The following P3H2 variants were observed in gnomAD, a reference collection of about 807,000 sequenced individuals.
The protein encoded by P3H2 is leprecan-like 1.
A neutral mutation model predicts 87.0 loss-of-function variants in P3H2; 80 were observed. That is an observed-to-expected ratio of 0.92 (90% confidence interval 0.77 to 1.11). The LOEUF (loss-of-function observed/expected upper bound fraction) is 1.11. Ranked by LOEUF, P3H2 falls within the 50% of genes least tolerant of loss-of-function variation. P3H2 has a pLI of 0.00. For missense variants in P3H2, 1,001 were observed against 923.9 expected (o/e 1.08, Z -1.08); for synonymous variants, 367 against 359.3 (o/e 1.02, Z -0.24).
At chr3:190,053,751 C>T (rs992682987) in intron 1 of P3H2, among the ~76,000 whole-genome samples, 2 of 152,084 alleles carry the variant, frequency 1.3e-5, no homozygotes, top group African/African-American at 4.8e-5. Flanking sequence ...AGCCACTGGG[C>T]CCAGCCAAAA....
intron 14 of P3H2, among the ~76,000 whole-genome samples, chr3:189,960,691 A>C (rs1394722740): frequency 6.6e-6 from 1 of 152,218 alleles, no homozygotes; most frequent in Non-Finnish European, 1.5e-5. Flanking sequence ...GCTCCTTGAA[A>C]ATAGGAATTA....
intron 1 of P3H2, among the ~76,000 whole-genome samples, chr3:190,080,310 T>C (rs147559549): frequency 1.3e-5 from 2 of 152,322 alleles, no homozygotes; most frequent in East Asian, 3.9e-4. Flanking sequence ...TGAAGGACCT[T>C]GAGTGCCATA....
chr3:190,119,998 A>T (rs1712472385), intron 1 of P3H2, among the ~76,000 whole-genome samples: 2 of 152,234 alleles, frequency 1.3e-5, no homozygotes, highest in Admixed American at 1.3e-4. Flanking sequence ...TACTTTAAAC[A>T]TCACCTTATC....
intron 1 of P3H2, among the ~76,000 whole-genome samples, chr3:190,087,684 A>G (rs1043651326): frequency 6.6e-6 from 1 of 152,214 alleles, no homozygotes; most frequent in Non-Finnish European, 1.5e-5. Flanking sequence ...AGATCTATAA[A>G]ATTCCATAAT....
In P3H2 at chr3:190,120,469, C is replaced by G. The variant is rs1712515110; in HGVS notation, c.263G>C (p.Cys88Ser). 7.0e-7 allele frequency: 1 copy of G among 1,422,330 alleles called. No individual in the cohort carries two copies. The highest frequency in any genetic ancestry group is 3.0e-5 in the Admixed American group (1 of 33,382). The allele number at this position is 1,422,330 out of a possible 1,614,324, so 88.1% of individuals were successfully genotyped here. A position where few individuals can be genotyped will look rare whatever the true frequency, so the allele number is the denominator to read the frequency against. The change falls in exon 1 of 15, where the codon TGC becomes TCC. Residue 88 changes from cysteine to serine, a missense_variant. Physicochemically the swap from Cys to Ser is moderately radical, Grantham distance 112. Transcript: ENST00000319332. Reference sequence around the variant, plus strand: ...GGGCGGGAGCGGGTGGCGCGCCGCGCAGTGGCGGGCACAGCGCGTGCGGAT... The same window carrying G: ...GGGCGGGAGCGGGTGGCGCGCCGCGGAGTGGCGGGCACAGCGCGTGCGGAT... ...REIRTRCARH[C>S]AARHPLPPPP... is the part of the protein sequence containing the mutation.
At chr3:190,096,363 G>A (rs886923694) in intron 1 of P3H2, among the ~76,000 whole-genome samples, 2 of 152,062 alleles carry the variant, frequency 1.3e-5, no homozygotes, top group Non-Finnish European at 2.9e-5. Flanking sequence ...AAGATCTAGT[G>A]GTTTAAAAGT....
chr3:190,039,560 GCCCATA>G (rs1283716392), intron 1 of P3H2, among the ~76,000 whole-genome samples: 19 of 152,160 alleles, frequency 1.2e-4, no homozygotes, highest in African/African-American at 4.3e-4. Flanking sequence ...CATGTGTTAA[GCCCATA>G]GCATGGAGTA....
intron 8 of P3H2, among the ~76,000 whole-genome samples, chr3:189,982,034 G>C (rs1320339561): frequency 6.6e-6 from 1 of 152,200 alleles, no homozygotes; most frequent in East Asian, 1.9e-4. Flanking sequence ...ATCTCCTGGG[G>C]AAAGAAGTAC....
At chr3:190,003,197 C>T (rs1724269575) in intron 1 of P3H2, among the ~76,000 whole-genome samples, 2 of 152,134 alleles carry the variant, frequency 1.3e-5, no homozygotes, top group African/African-American at 4.8e-5. Context: ...TGCTCTTTCC[C>T]TCAATTACTT....
At position 189,989,040 on chromosome 3, in the gene P3H2, T is replaced by C. The variant is rs748561222; in HGVS notation, c.824-2A>G. ...AAACAAGCACCTGCATGTAGTGATC[T>C]GGAAGACAAGAGCCAATACGTGTGT... On this transcript the variant is annotated splice_acceptor_variant, in intron 3 of 14. Coordinates refer to ENST00000319332, the MANE Select transcript of P3H2 (RefSeq NM_018192.4). LOFTEE classifies it high-confidence loss of function. 1.9e-5 allele frequency: 30 copies of C among 1,613,998 alleles called. No homozygotes were observed. The highest frequency in any genetic ancestry group is 2.4e-5 in the Non-Finnish European group (28 of 1,180,014).
At chr3:189,995,552 C>G in intron 1 of P3H2, 110 bp from the exon 2 acceptor site, 1 of 831,608 alleles carries the variant, frequency 1.2e-6, no homozygotes, top group Non-Finnish European at 1.7e-6. Flanking sequence ...AACTAGGAGC[C>G]TTGGTTTTTT....
intron 1 of P3H2, among the ~76,000 whole-genome samples, chr3:190,018,165 G>A (rs572172547): frequency 6.6e-5 from 10 of 152,192 alleles, no homozygotes; most frequent in Non-Finnish European, 1.2e-4. Flanking sequence ...TTTTAACATC[G>A]ATTTTAACTT....
chr3:190,106,904 T>C (rs1711859001), intron 1 of P3H2, among the ~76,000 whole-genome samples: 1 of 152,190 alleles, frequency 6.6e-6, no homozygotes, highest in Non-Finnish European at 1.5e-5. Flanking sequence ...TGAGAAAATT[T>C]ACATAAAGCT....
At chr3:190,033,530 AT>A (rs140334805) in intron 1 of P3H2, among the ~76,000 whole-genome samples, 41 of 152,050 alleles carry the variant, frequency 2.7e-4, no homozygotes, top group African/African-American at 9.9e-4. Context: ...AAAACTTATG[AT>A]TTTTTTCTTT....
intron 3 of P3H2, among the ~76,000 whole-genome samples, chr3:189,992,433 T>C (rs1419476877): frequency 1.3e-5 from 2 of 152,092 alleles, no homozygotes; most frequent in Non-Finnish European, 2.9e-5. Flanking sequence ...GCACTGGAAG[T>C]TGGGGAGAGC....
In P3H2 at chr3:189,995,248, A is replaced by C. The variant is rs753995119; in HGVS notation, c.633+42T>G. On this transcript the variant is annotated intron_variant, in intron 2 of 14. Transcript: ENST00000319332. ...TGTGACTCAGATGAAACTTAGGAGC[A>C]CTTAGCTCCCTGTGGTGAGGGCAGG... The C allele has an allele frequency of 1.5e-5, 24 of 1,603,028 alleles. No homozygotes were observed. In the African/African-American group the frequency reaches 3.1e-4, roughly 21 times the overall value.
intron 1 of P3H2, among the ~76,000 whole-genome samples, chr3:190,112,607 A>G (rs1359233323): frequency 6.6e-6 from 1 of 152,172 alleles, no homozygotes; most frequent in Non-Finnish European, 1.5e-5. Flanking sequence ...AGGACAATGC[A>G]GGGGTAGGGC....
At chr3:190,069,446 T>C (rs1314387273) in intron 1 of P3H2, among the ~76,000 whole-genome samples, 1 of 152,178 alleles carries the variant, frequency 6.6e-6, no homozygotes, top group East Asian at 1.9e-4. Context: ...TTTGATGGGA[T>C]GTTTCAAACT....
At chr3:190,105,053 G>C (rs1351442078) in intron 1 of P3H2, among the ~76,000 whole-genome samples, 1 of 152,152 alleles carries the variant, frequency 6.6e-6, no homozygotes. Context: ...CTTTCTGTGA[G>C]TACAAGAGAA....
Sources: gnomAD v4.1 joint callset for allele counts (sites outside exome capture counted in the v4.1 genomes callset) on GRCh38, gnomAD v4.1.1 for gene constraint, MANE v1.5 for transcripts, NCBI Gene and HGNC (gene_info 2026-07-23, HGNC 2026-07-21) for gene names.